Variants in TTC39C observed in about 807,000 individuals in gnomAD.
TTC39C encodes tetratricopeptide repeat protein 39C.
Under a neutral mutation model 76.3 loss-of-function variants are expected in TTC39C, and 33 were observed. The ratio of observed to expected loss-of-function variants is 0.43; its 90% CI spans 0.33 to 0.58. The LOEUF is 0.58. Ranked by LOEUF, TTC39C falls within the 20% of genes least tolerant of loss-of-function variation. TTC39C has a pLI of 0.04. For missense variants in TTC39C, 595 were observed against 701.4 expected, an observed-to-expected ratio of 0.85 and a Z score of 1.71; for synonymous variants, 254 against 260.6, an observed-to-expected ratio of 0.97 and a Z score of 0.24.
At chr18:24,065,904 G>T in intron 2 of TTC39C, 108 bp from the exon 3 acceptor site, 1 of 1,161,404 alleles carries the variant, frequency 8.6e-7, no homozygotes, top group Non-Finnish European at 1.2e-6. Flanking sequence ...TCTTTTGCTT[G>T]CAATAAATAA....
In TTC39C at chr18:23,996,836, A is replaced by G. The variant is rs558148427; in HGVS notation, c.-17+3798A>G. 2.6e-4 allele frequency among the ~76,000 whole-genome samples: 39 copies of G among 152,344 alleles called. No individual in the cohort carries two copies. In the South Asian group the frequency reaches 5.0e-3, roughly 19 times the overall value. On this transcript the variant is annotated intron_variant, in intron 1 of 13. Transcript: ENST00000304621. ...CTATTAAGAAATCAGTTGGCCGGGCACAGTGGCTCACGCCTGTAATCCCAG... is the reference window on the plus strand; with the variant it reads ...CTATTAAGAAATCAGTTGGCCGGGCGCAGTGGCTCACGCCTGTAATCCCAG...
intron 1 of TTC39C, among the ~76,000 whole-genome samples, chr18:24,061,959 G>C (rs186708095): frequency 2.6e-5 from 4 of 152,306 alleles, no homozygotes; most frequent in Admixed American, 2.6e-4. Context: ...TCTTCTAACA[G>C]CAAGTGATGT....
At chr18:24,116,819 G>GTTTTT (rs767138108) in intron 7 of TTC39C, among the ~76,000 whole-genome samples, 5 of 95,054 alleles carry the variant, frequency 5.3e-5, no homozygotes, top group Non-Finnish European at 7.9e-5. Flanking sequence ...TGATACCTTA[G>GTTTTT]TTTTTTTTTT....
chr18:24,066,140 C>A lies in TTC39C; in HGVS notation c.345C>A (p.Asn115Lys), dbSNP rs61734884. 1.9e-6 allele frequency: 3 copies of A among 1,594,440 alleles called. No homozygotes were observed. In the African/African-American group the frequency reaches 4.1e-5, roughly 22 times the overall value. ...CAATCAAGAATAAAATTAAGAAGAA[C>A]GTAAGTATTGCGGCTTTAGGTTGTG... ...IETIKNKIKK[N>K]VDVRKSAPSM... The change falls in exon 3 of 14, where the codon AAC becomes AAA. Residue 115 changes from asparagine (N) to lysine (K), a missense_variant and splice_region_variant. By Grantham distance (94) the Asn-to-Lys change is moderately conservative. Transcript: ENST00000317571.
At chr18:24,048,600 G>A (rs1223318165) in intron 1 of TTC39C, among the ~76,000 whole-genome samples, 1 of 152,106 alleles carries the variant, frequency 6.6e-6, no homozygotes, top group Non-Finnish European at 1.5e-5. Flanking sequence ...GTTAAAACAT[G>A]TAACTTTTTT....
intron 1 of TTC39C, chr18:24,022,854 C>G: frequency 2.0e-6 from 2 of 985,442 alleles, no homozygotes; most frequent in Non-Finnish European, 2.4e-6. Flanking sequence ...CCAGGTATAT[C>G]TTGCTCTTCC....
At chr18:24,064,859 T>C (rs565521871) in intron 2 of TTC39C, among the ~76,000 whole-genome samples, 70 of 152,326 alleles carry the variant, frequency 4.6e-4, no homozygotes, top group African/African-American at 1.6e-3. Context: ...AGCCTGGCAG[T>C]GCTCAACCAC....
At chr18:24,067,696 T>C (rs1388701979) in intron 3 of TTC39C, among the ~76,000 whole-genome samples, 2 of 151,976 alleles carry the variant, frequency 1.3e-5, no homozygotes, top group African/African-American at 2.4e-5. Context: ...CATGGAAAAA[T>C]TGTCTTCCGT....
At chr18:24,081,979 T>G (rs2084380263) in intron 5 of TTC39C, among the ~76,000 whole-genome samples, 1 of 151,988 alleles carries the variant, frequency 6.6e-6, no homozygotes, top group Non-Finnish European at 1.5e-5. Context: ...CATAAAAATA[T>G]TTGACATGTT....
intron 6 of TTC39C, among the ~76,000 whole-genome samples, chr18:24,094,935 C>CATA (rs2084569938): frequency 6.6e-6 from 1 of 152,222 alleles, no homozygotes; most frequent in Non-Finnish European, 1.5e-5. Context: ...GTCACCCTAT[C>CATA]CTTTGAAGCT....
intron 7 of TTC39C, 96 bp from the exon 8 acceptor site, chr18:24,118,027 GCA>G: frequency 1.1e-6 from 1 of 872,560 alleles, no homozygotes; most frequent in Non-Finnish European, 1.7e-6. Flanking sequence ...CATAGAACAT[GCA>G]CAGAGAATGA....
At chr18:24,021,539 C>CT (rs60505555) in intron 1 of TTC39C, among the ~76,000 whole-genome samples, 7,533 of 118,688 alleles carry the variant, frequency 0.063, 625 homozygotes, top group African/African-American at 0.18. Context: ...TTCTTTCCTT[C>CT]TTTTTTTTTT....
intron 1 of TTC39C, among the ~76,000 whole-genome samples, chr18:23,999,876 C>T (rs1051559220): frequency 6.6e-6 from 1 of 152,240 alleles, no homozygotes; most frequent in African/African-American, 2.4e-5. Context: ...ATCGGAGTAT[C>T]AGTCAGGGTT....
intron 1 of TTC39C, among the ~76,000 whole-genome samples, chr18:24,041,878 A>AG (rs2083797572): frequency 6.6e-6 from 1 of 152,042 alleles, no homozygotes; most frequent in Non-Finnish European, 1.5e-5. Flanking sequence ...ATACAGTTAA[A>AG]CTTCCCTTTC....
intron 6 of TTC39C, 99 bp downstream of exon 6, chr18:24,083,180 G>A: frequency 8.2e-7 from 1 of 1,216,914 alleles, no homozygotes; most frequent in Admixed American, 2.8e-5. Flanking sequence ...GAATGTCCCA[G>A]GGCCCCGGAG....
intron 6 of TTC39C, among the ~76,000 whole-genome samples, chr18:24,104,440 T>C (rs1435123072): frequency 2.0e-5 from 3 of 152,180 alleles, no homozygotes; most frequent in African/African-American, 7.2e-5. Flanking sequence ...ACCTTTGATA[T>C]CTGCTTTCAC....
At chr18:24,051,245 G>T (rs891163454) in intron 1 of TTC39C, among the ~76,000 whole-genome samples, 1 of 152,212 alleles carries the variant, frequency 6.6e-6, no homozygotes. Context: ...CAGGCTAACA[G>T]CTTCACTGAT....
chr18:24,075,704 CAAAA>C (rs530208641), intron 4 of TTC39C, among the ~76,000 whole-genome samples: 4 of 121,640 alleles, frequency 3.3e-5, no homozygotes, highest in Admixed American at 3.3e-4. Flanking sequence ...AAAAAAAAAA[CAAAA>C]AAAAAACCTC....
At chr18:24,125,833 T>C (rs112615979) in intron 10 of TTC39C, among the ~76,000 whole-genome samples, 4 of 152,320 alleles carry the variant, frequency 2.6e-5, no homozygotes, top group African/African-American at 9.6e-5. Flanking sequence ...GCTGGAAGCA[T>C]ACATTTTTTC....
Sources: gnomAD v4.1 joint callset for allele counts (sites outside exome capture counted in the v4.1 genomes callset) on GRCh38, gnomAD v4.1.1 for gene constraint, MANE v1.5 for transcripts, NCBI Gene and HGNC (gene_info 2026-07-23, HGNC 2026-07-21) for gene names.